VAT1L: variants seen among roughly 807,000 people sequenced by gnomAD.
The protein encoded by VAT1L is putative NADPH-dependent quinone oxidoreductase VAT1L.
A neutral mutation model predicts 44.1 loss-of-function variants in VAT1L; 34 were observed. The observed-to-expected ratio is 0.77, with a 90% CI of 0.59 to 1.03. The LOEUF is 1.03. Among genes scored for constraint, VAT1L ranks in the 50% least tolerant of loss-of-function variants. VAT1L has a pLI of 0.00. For missense variants in VAT1L, 615 were observed against 538.8 expected, an observed-to-expected ratio of 1.14 and a Z score of -1.40; for synonymous variants, 253 against 202.2, an observed-to-expected ratio of 1.25 and a Z score of -2.13.
Position 77,975,194 on chromosome 16 carries a change from C to CTTTTTTTTTTTTT in VAT1L, c.1162-2381_1162-2369dup, listed in dbSNP as rs35017686. On this transcript the variant is annotated intron_variant, in intron 8 of 8. Coordinates refer to ENST00000302536, the MANE Select transcript of VAT1L (RefSeq NM_020927.3). Reference sequence around the variant, plus strand: ...GTGCTTTCTCCTACTGGAATGACCACTTTTTTTTTTTTTTTTTTTTTTTTT... The same window carrying CTTTTTTTTTTTTT: ...GTGCTTTCTCCTACTGGAATGACCACTTTTTTTTTTTTTTTTTTTTTTTTTTTTTTTTTTTTTT... 6.7e-3 allele frequency among the ~76,000 whole-genome samples: 267 copies of CTTTTTTTTTTTTT among 39,856 alleles called. 40 individuals carry two copies. Among genetic ancestry groups the CTTTTTTTTTTTTT allele is most frequent in the African/African-American group, 9.1e-3 (86 of 9,422 alleles). The allele number at this position is 39,856 out of a possible 152,430, so 26.1% of individuals were successfully genotyped here. A position where few individuals can be genotyped will look rare whatever the true frequency, so the allele number is the denominator to read the frequency against.
chr16:77,970,051 T>A (rs1163961276), intron 7 of VAT1L, among the ~76,000 whole-genome samples: 13 of 86,788 alleles, frequency 1.5e-4, no homozygotes, highest in African/African-American at 2.4e-4. Flanking sequence ...ACATCTCTAC[T>A]AAAAAAAAAA....
At chr16:77,883,579 C>G (rs1425547013) in intron 6 of VAT1L, among the ~76,000 whole-genome samples, 1 of 152,184 alleles carries the variant, frequency 6.6e-6, no homozygotes, top group East Asian at 1.9e-4. Context: ...AGCTGCATCC[C>G]TGGCTTCCAC....
chr16:77,857,184 T>G (rs2016867668), intron 3 of VAT1L, among the ~76,000 whole-genome samples: 1 of 152,220 alleles, frequency 6.6e-6, no homozygotes, highest in Non-Finnish European at 1.5e-5. Flanking sequence ...TTTACTGCAG[T>G]GACTGGGAGA....
chr16:77,822,462 G>T (rs1341614330), intron 2 of VAT1L, among the ~76,000 whole-genome samples: 1 of 152,172 alleles, frequency 6.6e-6, no homozygotes, highest in Non-Finnish European at 1.5e-5. Flanking sequence ...GGAACAGACT[G>T]CTGTCACCAC....
At chr16:77,836,585 T>A (rs1197519518) in intron 3 of VAT1L, among the ~76,000 whole-genome samples, 1 of 152,172 alleles carries the variant, frequency 6.6e-6, no homozygotes, top group Non-Finnish European at 1.5e-5. Context: ...TGAGATATGT[T>A]GTGGAACGAG....
At chr16:77,826,726 GA>G (rs2016527863) in intron 3 of VAT1L, among the ~76,000 whole-genome samples, 2 of 152,312 alleles carry the variant, frequency 1.3e-5, no homozygotes, top group Admixed American at 6.5e-5. Flanking sequence ...GTGTTTCTGA[GA>G]GTGGAAGGTA....
chr16:77,835,540 A>C (rs751155362), intron 3 of VAT1L, among the ~76,000 whole-genome samples: 1 of 152,028 alleles, frequency 6.6e-6, no homozygotes, highest in Non-Finnish European at 1.5e-5. Flanking sequence ...ACATACACTC[A>C]CTTTTGTCAG....
chr16:77,942,912 T>G (rs2017907370), intron 7 of VAT1L, among the ~76,000 whole-genome samples: 1 of 150,584 alleles, frequency 6.6e-6, no homozygotes, highest in Admixed American at 6.6e-5. Context: ...ACCCGGCTAA[T>G]TTTTGTACTT....
At chr16:77,839,386 A>G (rs2016677973) in intron 3 of VAT1L, among the ~76,000 whole-genome samples, 1 of 151,830 alleles carries the variant, frequency 6.6e-6, no homozygotes, top group South Asian at 2.1e-4. Flanking sequence ...ATACAAAAAA[A>G]TCAGCTGGGC....
chr16:77,879,274 T>G lies in VAT1L; in HGVS notation c.882+50T>G, dbSNP rs2017123191. The G allele has an allele frequency of 6.4e-7, 1 of 1,571,880 alleles. No homozygotes were observed. The highest frequency in any genetic ancestry group is 2.2e-5 in the East Asian group (1 of 44,656). On this transcript the variant is annotated intron_variant, in intron 6 of 8. Transcript: ENST00000302536. The surrounding 1 kb of genome is among the most constrained non-coding windows in gnomAD (Gnocchi z 4.1). Reference sequence around the variant, plus strand: ...TACTGTGGTGGCATGTTGATTCACATGTTGAGAGCTTTGTTTTTGTTTGTT... The same window carrying G: ...TACTGTGGTGGCATGTTGATTCACAGGTTGAGAGCTTTGTTTTTGTTTGTT...
At chr16:77,957,585 T>C (rs1275244035) in intron 7 of VAT1L, among the ~76,000 whole-genome samples, 1 of 151,558 alleles carries the variant, frequency 6.6e-6, no homozygotes, top group East Asian at 1.9e-4. Flanking sequence ...CTTAGCTGGG[T>C]GTGGTGGCAC....
chr16:77,852,250 C>T (rs978604965), intron 3 of VAT1L, among the ~76,000 whole-genome samples: 3 of 152,194 alleles, frequency 2.0e-5, no homozygotes, highest in Admixed American at 6.5e-5. Context: ...GTGTGTCATC[C>T]CGTAGGCCCG....
At chr16:77,870,863 C>T (rs1048794787) in intron 4 of VAT1L, among the ~76,000 whole-genome samples, 63 of 152,136 alleles carry the variant, frequency 4.1e-4, no homozygotes, top group Non-Finnish European at 5.4e-4. Flanking sequence ...ATGAGCCTTC[C>T]GGCTCCACTT....
At chr16:77,911,039 A>G (rs752788252) in intron 7 of VAT1L, among the ~76,000 whole-genome samples, 1 of 152,196 alleles carries the variant, frequency 6.6e-6, no homozygotes, top group Non-Finnish European at 1.5e-5. Context: ...TGTAACCACT[A>G]CATGCAAACA....
intron 3 of VAT1L, among the ~76,000 whole-genome samples, chr16:77,841,867 C>T (rs890636052): frequency 1.3e-5 from 2 of 151,846 alleles, no homozygotes; most frequent in South Asian, 4.2e-4. Context: ...TCAGGAGAAG[C>T]TACCAAGGGC....
At chr16:77,908,563 G>C (rs954330601) in intron 7 of VAT1L, among the ~76,000 whole-genome samples, 2 of 146,822 alleles carry the variant, frequency 1.4e-5, no homozygotes, top group African/African-American at 5.0e-5. Flanking sequence ...AACACTTCCC[G>C]AAGCTGCAGA....
At chr16:77,883,265 A>G (rs540948140) in intron 6 of VAT1L, among the ~76,000 whole-genome samples, 105 of 152,252 alleles carry the variant, frequency 6.9e-4, no homozygotes, top group African/African-American at 2.4e-3. Flanking sequence ...TCCCCCAGAA[A>G]CTGGACGCTT....
chr16:77,867,969 G>A (rs1226562996), intron 4 of VAT1L, among the ~76,000 whole-genome samples: 1 of 151,744 alleles, frequency 6.6e-6, no homozygotes, highest in Non-Finnish European at 1.5e-5. Flanking sequence ...CATTTATTCT[G>A]TACAGATGCT....
At chr16:77,852,313 C>T (rs1391646271) in intron 3 of VAT1L, among the ~76,000 whole-genome samples, 1 of 152,210 alleles carries the variant, frequency 6.6e-6, no homozygotes, top group East Asian at 1.9e-4. Context: ...AAGTCACCTC[C>T]CTCCCACCCT....
Sources: allele counts gnomAD v4.1 joint callset (sites outside exome capture counted in the v4.1 genomes callset), GRCh38; gene constraint gnomAD v4.1.1; non-coding constraint Gnocchi (gnomAD v3.1); transcripts MANE v1.5; gene names NCBI Gene and HGNC (gene_info 2026-07-23, HGNC 2026-07-21).